PCDHGB4: variants seen among roughly 807,000 people sequenced by gnomAD.
PCDHGB4 encodes the protein protocadherin gamma-B4.
A neutral mutation model predicts 60.5 loss-of-function variants in PCDHGB4; 38 were observed. The observed-to-expected ratio is 0.63, with a 90% CI of 0.48 to 0.82. PCDHGB4 has a LOEUF of 0.82. PCDHGB4 is among the 40% of genes least tolerant of loss of function. The pLI is 0.00. For synonymous variants in PCDHGB4, 456 were observed against 509.7 expected (o/e 0.89, Z 1.42); for missense variants, 1,109 against 1,209.6 (o/e 0.92, Z 1.23).
In PCDHGB4 at chr5:141,511,197, C is replaced by A; in HGVS notation, c.*24C>A. 1 of 1,613,140 alleles carries A rather than the reference C, an allele frequency of 6.2e-7. No individual in the cohort carries two copies. Among genetic ancestry groups the A allele is most frequent in the Non-Finnish European group, 8.5e-7 (1 of 1,179,524 alleles). Reference sequence around the variant, plus strand: ...AACATGGAGGCCAGGCCAAGAGCCACAGGGCGGCCTCTCCCCAACCAGCCC... The same window carrying A: ...AACATGGAGGCCAGGCCAAGAGCCAAAGGGCGGCCTCTCCCCAACCAGCCC... On this transcript the variant is annotated 3_prime_UTR_variant, in exon 4 of 4. Transcript: ENST00000519479.
At position 141,388,295 on chromosome 5, in the gene PCDHGB4, C is replaced by T. The variant is rs766909730; in HGVS notation, c.411C>T (p.Ser137=). Reference sequence around the variant, plus strand: ...ACACGCCAAAATTCACGCAAAATTCCTTTGAGCTGCAAATAAGTGAGTCTG... The same window carrying T: ...ACACGCCAAAATTCACGCAAAATTCTTTTGAGCTGCAAATAAGTGAGTCTG... ...NDHTPKFTQN[S]FELQISESAQ... Residue 137 remains serine (S), a synonymous_variant, in exon 1 of 4, where the codon TCC becomes TCT. Coordinates refer to ENST00000519479, the MANE Select transcript of PCDHGB4 (RefSeq NM_003736.4). 3 of 1,613,442 alleles carry T rather than the reference C, an allele frequency of 1.9e-6. No homozygotes were observed. Among genetic ancestry groups the T allele is most frequent in the East Asian group, 2.2e-5 (1 of 44,874 alleles).
chr5:141,419,032 A>G (rs1421513275), intron 1 of PCDHGB4: 2 of 1,614,004 alleles, frequency 1.2e-6, no homozygotes, highest in Non-Finnish European at 1.7e-6. Flanking sequence ...GAGGTGTTCC[A>G]TTTAAGATTC....
chr5:141,390,137 T>C lies in PCDHGB4; in HGVS notation c.2253T>C (p.Asn751=), dbSNP rs373308909. The stretch of plus-strand genomic sequence containing the variant: ...AGGGGACTTTGCCTTATTCCTACAA[T>C]CTATGTGTTGCACATACAGGAAAGA... The part of the protein sequence containing the change: ...YSEGTLPYSY[N]LCVAHTGKTE... The change falls in exon 1 of 4, where the codon AAT becomes AAC. Residue 751 remains asparagine (N), a synonymous_variant. Coordinates refer to ENST00000519479, the MANE Select transcript of PCDHGB4 (RefSeq NM_003736.4). 3.1e-4 allele frequency: 506 copies of C among 1,614,052 alleles called. 2 individuals carry two copies. The African/African-American group carries it at 6.2e-3, about 20-fold the overall frequency.
At chr5:141,478,177 A>G (rs769503109) in intron 1 of PCDHGB4, 1 of 1,613,988 alleles carries the variant, frequency 6.2e-7, no homozygotes, top group South Asian at 1.1e-5. Context: ...GGGAGCAGAA[A>G]AAAAATCTCA....
At chr5:141,479,358 GC>G (rs2154577546) in intron 1 of PCDHGB4, 1 of 152,584 alleles carries the variant, frequency 6.6e-6, no homozygotes, top group Non-Finnish European at 1.5e-5. Flanking sequence ...GCTGCTCAGT[GC>G]CTGAGGTGGG....
At chr5:141,438,749 C>T (rs1238134451) in intron 1 of PCDHGB4, among the ~76,000 whole-genome samples, 3 of 149,226 alleles carry the variant, frequency 2.0e-5, no homozygotes, top group African/African-American at 4.9e-5. Context: ...GCAACCTCTG[C>T]CTCCTGGGTT....
intron 1 of PCDHGB4, chr5:141,393,785 G>A (rs753963995): frequency 6.2e-7 from 1 of 1,613,922 alleles, no homozygotes; most frequent in Non-Finnish European, 8.5e-7. Context: ...CCGAAGATGT[G>A]GGGGCACTTC....
chr5:141,403,007 C>T (rs774624797), intron 1 of PCDHGB4: 10 of 1,613,940 alleles, frequency 6.2e-6, no homozygotes, highest in Non-Finnish European at 8.5e-6. Context: ...GCTATGCTCG[C>T]TCCTGGGGAT....
At position 141,487,557 on chromosome 5, in the gene PCDHGB4, T is replaced by C. The variant is rs751511771; in HGVS notation, c.2398-7250T>C. On this transcript the variant is annotated intron_variant, in intron 1 of 3. Coordinates refer to ENST00000519479, the MANE Select transcript of PCDHGB4 (RefSeq NM_003736.4). The surrounding 1 kb of genome is among the most constrained non-coding windows in gnomAD (Gnocchi z 5.0). The stretch of plus-strand genomic sequence containing the variant: ...ATGGTGAAGTCACCCAGTGCACCTA[T>C]GGCAGGGGAGCCTGTTCGCCCAAGC... The C allele has an allele frequency of 1.9e-5, 31 of 1,614,060 alleles. No homozygotes were observed. In the East Asian group the frequency reaches 4.2e-4, roughly 22 times the overall value.
At chr5:141,506,910 G>C (rs1165112258) in intron 3 of PCDHGB4, among the ~76,000 whole-genome samples, 1 of 152,082 alleles carries the variant, frequency 6.6e-6, no homozygotes, top group Admixed American at 6.5e-5. Context: ...ATCACACCTG[G>C]GCACATACTA....
At position 141,389,929 on chromosome 5, in the gene PCDHGB4, T is replaced by A; in HGVS notation, c.2045T>A (p.Leu682His). 6.2e-7 allele frequency: 1 copy of A among 1,614,012 alleles called. No individual in the cohort carries two copies. Among genetic ancestry groups the A allele is most frequent in the Non-Finnish European group, 8.5e-7 (1 of 1,179,880 alleles). Reference sequence around the variant, plus strand: ...ACTGACCGCCCCGACCCCTCTGACCTCCAGGCTGAGCTGCAGTTTTACCTA... The same window carrying A: ...ACTGACCGCCCCGACCCCTCTGACCACCAGGCTGAGCTGCAGTTTTACCTA... ...DITDRPDPSD[L>H]QAELQFYLVV... Residue 682 changes from leucine (L) to histidine (H), a missense_variant, in exon 1 of 4, where the codon CTC (leucine) becomes CAC (histidine). Leu to His is a moderately conservative substitution (Grantham distance 99). This residue lies in a region of PCDHGB4 where 1,068 missense variants were observed against 1,089.9 expected (regional missense o/e 0.98). Coordinates refer to ENST00000519479, the MANE Select transcript of PCDHGB4 (RefSeq NM_003736.4).
chr5:141,397,509 T>G (rs2093532710), intron 1 of PCDHGB4, among the ~76,000 whole-genome samples: 1 of 152,204 alleles, frequency 6.6e-6, no homozygotes, highest in African/African-American at 2.4e-5. Flanking sequence ...TAAAATTGTT[T>G]CCATAGCTAA....
intron 1 of PCDHGB4, chr5:141,408,126 C>T: frequency 1.5e-5 from 22 of 1,479,600 alleles, no homozygotes; most frequent in Non-Finnish European, 1.6e-5. Flanking sequence ...TGTCCTGGGC[C>T]GAATGCTCTT....
Position 141,431,423 on chromosome 5 carries a change from C to A in PCDHGB4, c.2397+41142C>A, listed in dbSNP as rs868299769. 20 of 1,613,552 alleles carry A rather than the reference C, an allele frequency of 1.2e-5. No individual in the cohort carries two copies. In the Admixed American group the frequency reaches 2.2e-4, roughly 17 times the overall value. ...GGCCTCCGACGGGGGCGACCCGGTG[C>A]GCACAGGCACCGCGCGCATCCGCGT... On this transcript the variant is annotated intron_variant, in intron 1 of 3. Coordinates refer to ENST00000519479, the MANE Select transcript of PCDHGB4 (RefSeq NM_003736.4). The surrounding 1 kb of genome is among the most constrained non-coding windows in gnomAD (Gnocchi z 4.8).
At chr5:141,402,491 A>T (rs1186098298) in intron 1 of PCDHGB4, among the ~76,000 whole-genome samples, 1 of 152,242 alleles carries the variant, frequency 6.6e-6, no homozygotes, top group Non-Finnish European at 1.5e-5. Flanking sequence ...TCTACCAAGA[A>T]TAAGAATAAA....
At position 141,432,325 on chromosome 5, in the gene PCDHGB4, C is replaced by T. The variant is rs752180978; in HGVS notation, c.2397+42044C>T. ...TGTATGCGCTGAGCTCCTTCGACTACGAGCAGTTCCGAGACTTGCAAGTGA... is the reference window on the plus strand; with the variant it reads ...TGTATGCGCTGAGCTCCTTCGACTATGAGCAGTTCCGAGACTTGCAAGTGA... On this transcript the variant is annotated intron_variant, in intron 1 of 3. Coordinates refer to ENST00000519479, the MANE Select transcript of PCDHGB4 (RefSeq NM_003736.4). The surrounding 1 kb of genome is among the most constrained non-coding windows in gnomAD (Gnocchi z 6.0). 68 of 1,614,142 alleles carry T rather than the reference C, an allele frequency of 4.2e-5. No individual in the cohort carries two copies. Among genetic ancestry groups the T allele is most frequent in the Non-Finnish European group, 5.2e-5 (61 of 1,180,050 alleles).
chr5:141,442,798 A>G (rs1055527090), intron 1 of PCDHGB4, among the ~76,000 whole-genome samples: 1 of 152,256 alleles, frequency 6.6e-6, no homozygotes, highest in East Asian at 1.9e-4. Flanking sequence ...TTTTACTTTG[A>G]TATTCAAATT....
At chr5:141,436,668 C>CA (rs1159051861) in intron 1 of PCDHGB4, among the ~76,000 whole-genome samples, 1 of 151,748 alleles carries the variant, frequency 6.6e-6, no homozygotes, top group South Asian at 2.1e-4. Flanking sequence ...AGTGGTTGAC[C>CA]AAAAAAAGGA....
intron 1 of PCDHGB4, among the ~76,000 whole-genome samples, chr5:141,444,150 GGAT>G (rs2098419400): frequency 8.8e-6 from 1 of 114,014 alleles, no homozygotes; most frequent in African/African-American, 3.4e-5. Context: ...TGTGTGTACT[GGAT>G]TTTTTTTTTT....
Sources: gnomAD v4.1 joint callset for allele counts (sites outside exome capture counted in the v4.1 genomes callset) on GRCh38, gnomAD v4.1.1 for gene constraint, gnomAD v4.1.1 regional missense constraint, Gnocchi (gnomAD v3.1) non-coding constraint, MANE v1.5 for transcripts, NCBI Gene and HGNC (gene_info 2026-07-23, HGNC 2026-07-21) for gene names.